The following SLC9A6 variants were observed in gnomAD, a reference collection of about 807,000 sequenced individuals.
The protein encoded by SLC9A6 is solute carrier family 9 member A6.
Under a neutral mutation model 45.3 loss-of-function variants are expected in SLC9A6, and 6 were observed. The observed-to-expected ratio is 0.13, with a 90% CI of 0.07 to 0.26. SLC9A6 has a LOEUF of 0.26. Ranked by LOEUF, SLC9A6 falls within the 10% of genes least tolerant of loss-of-function variation. The pLI, the probability that SLC9A6 is intolerant of heterozygous loss-of-function variation, is 1.00. For synonymous variants in SLC9A6, 191 were observed against 187.7 expected, an observed-to-expected ratio of 1.02 and a Z score of -0.14; for missense variants, 278 against 503.7, an observed-to-expected ratio of 0.55 and a Z score of 4.29.
chrX:136,000,560 T>C (rs1415391290), intron 6 of SLC9A6, among the ~76,000 whole-genome samples: 9 of 112,021 alleles, frequency 8.0e-5, no homozygotes, highest in East Asian at 2.8e-4. Flanking sequence ...ATTTCAACTT[T>C]CTGGTTTTGT....
intron 16 of SLC9A6, among the ~76,000 whole-genome samples, chrX:136,039,864 G>A: frequency 8.9e-6 from 1 of 111,880 alleles, no homozygotes; most frequent in Non-Finnish European, 1.9e-5. Flanking sequence ...TGACCTCTCT[G>A]AGCCTCAGTT....
At position 136,010,755 on chromosome X, in the gene SLC9A6, AAG is replaced by A. The variant is rs782571210; in HGVS notation, c.885+174_885+175del. 8.7e-4 allele frequency among the ~76,000 whole-genome samples: 98 copies of A among 112,515 alleles called. 1 individual carries two copies. The highest frequency in any genetic ancestry group is 3.0e-3 in the African/African-American group (92 of 30,983). On this transcript the variant is annotated intron_variant, in intron 8 of 17. Coordinates refer to ENST00000630721, the MANE Select transcript of SLC9A6 (RefSeq NM_001379110.1). ...ACAGTCTTTGCCAATAAATAAATAA[AAG>A]AACTGTATTGTTCTGCATAGGGTTT...
rs2089476158 is a variant in SLC9A6 at position 135,994,768 on chromosome X, T to C, written c.170-18T>C. The C allele has an allele frequency of 5.0e-6, 6 of 1,203,666 alleles. No individual in the cohort carries two copies. The highest frequency in any genetic ancestry group is 6.8e-6 in the Non-Finnish European group (6 of 888,079). On this transcript the variant is annotated intron_variant, in intron 2 of 17. Transcript: ENST00000630721. ...GGTCTCTGTCGGCAAGAAGAGCTTA[T>C]GTTGTTCTTTTTTCCAGGTCTTTTG...
chrX:136,010,633 G>C, intron 8 of SLC9A6, 50 bp downstream of exon 8: 1 of 1,078,521 alleles, frequency 9.3e-7, no homozygotes, highest in Non-Finnish European at 1.3e-6. Context: ...TATAGTAGTT[G>C]AATGCTGTAT....
At chrX:135,976,828 T>C (rs2089265646) in intron 1 of SLC9A6, among the ~76,000 whole-genome samples, 1 of 111,869 alleles carries the variant, frequency 8.9e-6, no homozygotes, top group Admixed American at 9.5e-5. Flanking sequence ...TTGAGTTTTG[T>C]TTTCTCTATT....
intron 16 of SLC9A6, among the ~76,000 whole-genome samples, chrX:136,036,793 C>T (rs2071419821): frequency 8.9e-6 from 1 of 112,985 alleles, no homozygotes; most frequent in Non-Finnish European, 1.9e-5. Context: ...TCTTCCATAT[C>T]CCAAGGTCGT....
In SLC9A6 at chrX:136,046,231, T is replaced by G. The variant is rs2071596470; in HGVS notation, c.*1507T>G. ...CAGATTTTCCAGTGAAAAATACCCT[T>G]CTGAACAAAACATGTACTTACTCTC... On this transcript the variant is annotated 3_prime_UTR_variant, in exon 18 of 18. Transcript: ENST00000630721. The G allele has an allele frequency of 8.9e-6, 1 of 112,468 alleles. No homozygotes were observed. The highest frequency in any genetic ancestry group is 3.2e-5 in the African/African-American group (1 of 30,828). 9.3% of individuals were successfully genotyped at this position (112,468 alleles called of 1,213,427 possible). A position where few individuals can be genotyped will look rare whatever the true frequency, so the allele number is the denominator to read the frequency against.
intron 12 of SLC9A6, among the ~76,000 whole-genome samples, chrX:136,023,163 G>GTATGTATATGTATA (rs2071161552): frequency 4.0e-5 from 1 of 25,012 alleles, no homozygotes; most frequent in Non-Finnish European, 6.7e-5. Context: ...AAAAGAAAAT[G>GTATGTATATGTATA]TATATATATA....
chrX:135,998,656 T>C, intron 5 of SLC9A6, 98 bp downstream of exon 5: 1 of 719,236 alleles, frequency 1.4e-6, no homozygotes, highest in Non-Finnish European at 2.1e-6. Flanking sequence ...CCTGACTGGG[T>C]CTAAAGACTT....
chrX:135,976,001 AG>A (rs1377309379), intron 1 of SLC9A6, among the ~76,000 whole-genome samples: 10 of 88,409 alleles, frequency 1.1e-4, no homozygotes, highest in African/African-American at 3.3e-4. Context: ...AAAAAAAAAA[AG>A]TAGAAGAAGA....
chrX:136,006,600 T>C (rs968026727), intron 7 of SLC9A6, among the ~76,000 whole-genome samples: 6 of 110,175 alleles, frequency 5.4e-5, no homozygotes, highest in African/African-American at 2.0e-4. Context: ...GAGGTAGATC[T>C]ATATGTATAT....
At chrX:136,012,848 G>C in intron 8 of SLC9A6, 101 bp from the exon 9 acceptor site, 1 of 604,787 alleles carries the variant, frequency 1.7e-6, no homozygotes, top group Non-Finnish European at 2.9e-6. Context: ...TGTTAGAGAA[G>C]CTAGAGAACC....
chrX:136,002,251 G>T (rs1190792154), intron 7 of SLC9A6, 38 bp downstream of exon 7: 1 of 929,331 alleles, frequency 1.1e-6, no homozygotes, highest in Non-Finnish European at 1.6e-6. Flanking sequence ...TGAATATTAA[G>T]TGTGAGGGTA....
chrX:136,006,748 A>G (rs2089663491), intron 7 of SLC9A6, among the ~76,000 whole-genome samples: 1 of 111,340 alleles, frequency 9.0e-6, no homozygotes, highest in African/African-American at 3.3e-5. Flanking sequence ...ACAGTCATTT[A>G]TATTTTTATG....
At chrX:136,038,852 C>T (rs950373332) in intron 16 of SLC9A6, among the ~76,000 whole-genome samples, 17 of 108,174 alleles carry the variant, frequency 1.6e-4, no homozygotes, top group Non-Finnish European at 3.8e-5. Flanking sequence ...ACTACCCATT[C>T]AGTACCAGAA....
chrX:135,994,827 C>G lies in SLC9A6; in HGVS notation c.211C>G (p.Pro71Ala). The stretch of plus-strand genomic sequence containing the variant: ...TGTGCTTCGGTATGGCATTCATGTT[C>G]CGAGTGATGTAAATAATGTGACCCT... ...GLVLRYGIHV[P>A]SDVNNVTLSC... The change falls in exon 3 of 18, where the codon CCG becomes GCG. Residue 71 changes from proline (P) to alanine (A), a missense_variant. Around this residue, in one of 5 missense-constraint regions of SLC9A6, gnomAD observed 118 missense variants for 209.9 expected, o/e 0.56. Coordinates refer to ENST00000630721, the MANE Select transcript of SLC9A6 (RefSeq NM_001379110.1). 1 of 1,211,118 alleles carries G rather than the reference C, an allele frequency of 8.3e-7. No homozygotes were observed. The highest frequency in any genetic ancestry group is 1.1e-6 in the Non-Finnish European group (1 of 895,296).
chrX:135,987,944 A>G (rs1360032964), intron 2 of SLC9A6, among the ~76,000 whole-genome samples: 1 of 111,572 alleles, frequency 9.0e-6, no homozygotes, highest in Non-Finnish European at 1.9e-5. Context: ...TGCTATTATT[A>G]TTATTATTGC....
At chrX:135,995,624 G>T (rs1325004728) in intron 3 of SLC9A6, among the ~76,000 whole-genome samples, 8 of 112,015 alleles carry the variant, frequency 7.1e-5, no homozygotes, top group Non-Finnish European at 1.3e-4. Flanking sequence ...GCGCCCAGCC[G>T]GTCCTTATAG....
At chrX:136,027,449 T>C (rs782038027) in intron 13 of SLC9A6, among the ~76,000 whole-genome samples, 48 of 111,626 alleles carry the variant, frequency 4.3e-4, no homozygotes, top group Non-Finnish European at 8.5e-4. Context: ...AAAAAAACTC[T>C]CATGGCCGGA....
Sources: allele counts gnomAD v4.1 joint callset (sites outside exome capture counted in the v4.1 genomes callset), GRCh38; gene constraint gnomAD v4.1.1; regional missense constraint gnomAD v4.1.1; transcripts MANE v1.5; gene names NCBI Gene and HGNC (gene_info 2026-07-23, HGNC 2026-07-21).